The following LHFPL2 variants were observed in gnomAD, a reference collection of about 807,000 sequenced individuals.
The protein encoded by LHFPL2 is LHFPL tetraspan subfamily member 2.
In LHFPL2, 7 loss-of-function variants were observed where a neutral mutation model predicts 17.5. The ratio of observed to expected loss-of-function variants is 0.40; its 90% CI spans 0.23 to 0.75. LHFPL2 has a LOEUF of 0.75. Ranked by LOEUF, LHFPL2 falls within the 30% of genes least tolerant of loss-of-function variation. LHFPL2 has a pLI of 0.37. For missense variants in LHFPL2, 241 were observed against 294.8 expected, an observed-to-expected ratio of 0.82 and a Z score of 1.34; for synonymous variants, 134 against 116.2, an observed-to-expected ratio of 1.15 and a Z score of -0.99.
At position 78,595,622 on chromosome 5, in the gene LHFPL2, C is replaced by A. The variant is rs1743797104; in HGVS notation, c.-244-30751G>T. On this transcript the variant is annotated intron_variant, in intron 2 of 4. Coordinates refer to ENST00000380345, the MANE Select transcript of LHFPL2 (RefSeq NM_005779.3). ...GAACTCCTGGGGTCAAGCAATTCTCCCGCCTCAGCCTCCGGAACAGCTGGG... is the reference window on the plus strand; with the variant it reads ...GAACTCCTGGGGTCAAGCAATTCTCACGCCTCAGCCTCCGGAACAGCTGGG... 2.0e-5 allele frequency among the ~76,000 whole-genome samples: 3 copies of A among 152,208 alleles called. No homozygotes were observed. In the South Asian group the frequency reaches 6.2e-4, roughly 32 times the overall value.
At chr5:78,490,722 T>TG (rs1366577497) in intron 4 of LHFPL2, among the ~76,000 whole-genome samples, 3 of 104,210 alleles carry the variant, frequency 2.9e-5, no homozygotes, top group African/African-American at 1.2e-4. Flanking sequence ...CACTCCAGCC[T>TG]GGCAAAAGAG....
chr5:78,518,643 C>T (rs1755358028), intron 3 of LHFPL2, among the ~76,000 whole-genome samples: 1 of 152,192 alleles, frequency 6.6e-6, no homozygotes, highest in African/African-American at 2.4e-5. Flanking sequence ...CAGGACTGAG[C>T]CGGTGTAATG....
chr5:78,569,160 C>A (rs1390794988), intron 2 of LHFPL2, among the ~76,000 whole-genome samples: 1 of 152,142 alleles, frequency 6.6e-6, no homozygotes, highest in Admixed American at 6.5e-5. Flanking sequence ...ACTTGAAGCA[C>A]CGAGGCAAAT....
chr5:78,637,965 G>A (rs1745515752), intron 1 of LHFPL2, among the ~76,000 whole-genome samples: 1 of 152,000 alleles, frequency 6.6e-6, no homozygotes. Flanking sequence ...GTTCACTCAA[G>A]TCTTGTCAGT....
At chr5:78,500,038 G>A (rs76412528) in intron 4 of LHFPL2, among the ~76,000 whole-genome samples, 9,845 of 149,962 alleles carry the variant, frequency 0.066, 542 homozygotes, top group East Asian at 0.26. Flanking sequence ...AAAAAAAAAA[G>A]GCAGTATAAT....
At chr5:78,496,022 C>T (rs980029506) in intron 4 of LHFPL2, among the ~76,000 whole-genome samples, 7 of 152,156 alleles carry the variant, frequency 4.6e-5, no homozygotes, top group Non-Finnish European at 7.3e-5. Context: ...TGTTGCCTCC[C>T]CGGGAAATGT....
At chr5:78,515,134 TCCTACTCAAATTTC>T (rs1755252891) in intron 3 of LHFPL2, among the ~76,000 whole-genome samples, 1 of 152,190 alleles carries the variant, frequency 6.6e-6, no homozygotes, top group Admixed American at 6.5e-5. Context: ...AAAGCCTAGT[TCCTACTCAAATTTC>T]CCTACCCCTG....
intron 2 of LHFPL2, among the ~76,000 whole-genome samples, chr5:78,579,498 C>T (rs999783958): frequency 1.3e-5 from 2 of 152,142 alleles, no homozygotes; most frequent in African/African-American, 4.8e-5. Context: ...CCCCCTTCCC[C>T]GACCCCACAA....
intron 2 of LHFPL2, among the ~76,000 whole-genome samples, chr5:78,618,605 T>C (rs968155227): frequency 2.0e-5 from 3 of 152,206 alleles, no homozygotes; most frequent in African/African-American, 4.8e-5. Flanking sequence ...TGAAGAGCAG[T>C]GTTCCTTCCA....
intron 2 of LHFPL2, among the ~76,000 whole-genome samples, chr5:78,596,750 A>T (rs2218253): frequency 0.37 from 56,253 of 152,040 alleles, 11,297 homozygotes; most frequent in Middle Eastern, 0.48. Context: ...ATGCTGCCCA[A>T]AGCCCAGCAA....
intron 2 of LHFPL2, among the ~76,000 whole-genome samples, chr5:78,583,355 T>C (rs1464903766): frequency 6.6e-6 from 1 of 152,098 alleles, no homozygotes; most frequent in Non-Finnish European, 1.5e-5. Flanking sequence ...TGCTCGTTAG[T>C]TGATGCAGTT....
chr5:78,537,199 C>T (rs903655072), intron 3 of LHFPL2, among the ~76,000 whole-genome samples: 2 of 152,192 alleles, frequency 1.3e-5, no homozygotes, highest in African/African-American at 4.8e-5. Context: ...CACCTCTGCT[C>T]CCTGGAGGCC....
intron 2 of LHFPL2, among the ~76,000 whole-genome samples, chr5:78,567,993 A>ACT (rs1756902693): frequency 7.7e-6 from 1 of 130,202 alleles, no homozygotes; most frequent in Non-Finnish European, 1.9e-5. Flanking sequence ...AACTCAGTGT[A>ACT]AAGAGTGTGT....
intron 3 of LHFPL2, among the ~76,000 whole-genome samples, chr5:78,516,330 A>G (rs1755290302): frequency 6.6e-6 from 1 of 152,052 alleles, no homozygotes; most frequent in South Asian, 2.1e-4. Flanking sequence ...TCTCCATCCC[A>G]TCTCTGACTT....
At chr5:78,645,543 TACACACACACACACACACACACACACAC>T (rs56911011) in intron 1 of LHFPL2, among the ~76,000 whole-genome samples, 2 of 137,234 alleles carry the variant, frequency 1.5e-5, no homozygotes, top group Non-Finnish European at 3.1e-5. Flanking sequence ...GACAGATGCA[TACACACACACACACACACACACACACAC>T]ACACACACAC....
chr5:78,570,665 C>T lies in LHFPL2; in HGVS notation c.-244-5794G>A, dbSNP rs745358583. Among the ~76,000 whole-genome samples the T allele has an allele frequency of 6.8e-5, 10 of 146,222 alleles. No individual in the cohort carries two copies. In the South Asian group the frequency reaches 1.3e-3, roughly 19 times the overall value. ...ATATATATACGTATATATATATATA[C>T]GTATGATCATTTTGCAAGACAGAAA... On this transcript the variant is annotated intron_variant, in intron 2 of 4. Transcript: ENST00000380345.
chr5:78,548,958 T>A (rs564539424), intron 3 of LHFPL2: 3 of 152,196 alleles, frequency 2.0e-5, no homozygotes, highest in Non-Finnish European at 4.4e-5. Context: ...TGATACTGCT[T>A]ATGTTGGTTG....
chr5:78,640,103 T>G (rs1011027908), intron 1 of LHFPL2, among the ~76,000 whole-genome samples: 1 of 152,162 alleles, frequency 6.6e-6, no homozygotes, highest in Admixed American at 6.5e-5. Context: ...TCCCTCTTAA[T>G]TTTCCGGGCA....
chr5:78,536,964 G>T (rs1390230060), intron 3 of LHFPL2, among the ~76,000 whole-genome samples: 1 of 152,176 alleles, frequency 6.6e-6, no homozygotes, highest in Non-Finnish European at 1.5e-5. Flanking sequence ...GATCACAGAA[G>T]CGCTCCAGCC....
Sources: allele counts gnomAD v4.1 joint callset (sites outside exome capture counted in the v4.1 genomes callset), GRCh38; gene constraint gnomAD v4.1.1; transcripts MANE v1.5; gene names NCBI Gene and HGNC (gene_info 2026-07-23, HGNC 2026-07-21).